The following TRIM2 variants were observed in gnomAD, a reference collection of about 807,000 sequenced individuals.
The protein encoded by TRIM2 is tripartite motif containing 2, also known as tripartite motif-containing protein 2.
TRIM2 carries 20 observed loss-of-function variants against 75.2 expected under a neutral mutation model. The ratio of observed to expected loss-of-function variants is 0.27; its 90% CI spans 0.19 to 0.39. The LOEUF is 0.39. TRIM2 is among the 10% of genes least tolerant of loss of function. TRIM2 has a pLI of 1.00. For missense variants in TRIM2, 660 were observed against 990.8 expected (o/e 0.67, Z 4.48); for synonymous variants, 373 against 388.3 (o/e 0.96, Z 0.46).
In TRIM2 at chr4:153,295,910, A is replaced by G. The variant is rs1312478366; in HGVS notation, c.1384A>G (p.Lys462Glu). 1 of 1,611,434 alleles carries G rather than the reference A, an allele frequency of 6.2e-7. No homozygotes were observed. Among genetic ancestry groups the G allele is most frequent in the South Asian group, 1.1e-5 (1 of 90,620 alleles). ...TGTGTCTCCCACCACAGAAGGCGTG[A>G]AGAGGCGCGTTAAGTCCCCGGGGAG... ...ADVSPTTEGVKRRVKSPGSGH... is the reference protein window; with the variant it reads ...ADVSPTTEGVERRVKSPGSGH... Residue 462 changes from lysine (K) to glutamate (E), a missense_variant, in exon 6 of 12, where the codon AAG becomes GAG. Lys to Glu is a moderately conservative substitution (Grantham distance 56, BLOSUM62 1). This residue lies in a region of TRIM2 where 620 missense variants were observed against 891.0 expected (regional missense o/e 0.70). Coordinates refer to ENST00000338700, the MANE Select transcript of TRIM2 (RefSeq NM_015271.5). The surrounding 1 kb of genome is among the most constrained non-coding windows in gnomAD (Gnocchi z 7.2).
intron 2 of TRIM2, among the ~76,000 whole-genome samples, chr4:153,273,918 TG>T (rs1436560884): frequency 6.6e-6 from 1 of 152,106 alleles, no homozygotes; most frequent in Non-Finnish European, 1.5e-5. Flanking sequence ...TGTGCAAAGG[TG>T]CTATAGTGGG....
intron 3 of TRIM2, among the ~76,000 whole-genome samples, chr4:153,282,655 C>T (rs751921073): frequency 1.3e-4 from 20 of 152,298 alleles, no homozygotes; most frequent in Middle Eastern, 6.8e-3. Context: ...CTCTGTCACC[C>T]AGGCTAGTCT....
intron 1 of TRIM2, among the ~76,000 whole-genome samples, chr4:153,181,730 A>T (rs1417595409): frequency 6.6e-6 from 1 of 152,080 alleles, no homozygotes; most frequent in Non-Finnish European, 1.5e-5. Context: ...GCAGCCTTGT[A>T]CACCTGGGCT....
chr4:153,243,967 C>T (rs371403525), intron 1 of TRIM2, among the ~76,000 whole-genome samples: 3 of 151,348 alleles, frequency 2.0e-5, no homozygotes, highest in Non-Finnish European at 4.4e-5. Flanking sequence ...CACAGGCATG[C>T]GCCATCACTT....
At chr4:153,262,267 A>T (rs990548090) in intron 1 of TRIM2, among the ~76,000 whole-genome samples, 5 of 152,238 alleles carry the variant, frequency 3.3e-5, no homozygotes, top group African/African-American at 1.2e-4. Flanking sequence ...ACTCCCCCAA[A>T]ATTCCAAGGC....
Position 153,339,163 on chromosome 4 carries a change from C to T in TRIM2, c.*4197C>T, listed in dbSNP as rs1402840366. On this transcript the variant is annotated 3_prime_UTR_variant, in exon 12 of 12. Coordinates refer to ENST00000338700, the MANE Select transcript of TRIM2 (RefSeq NM_015271.5). ...CTGTGCATCAAAGTGTTTGTATGTT[C>T]GTAGCTACATACGTACCACAGTATT... 1.1e-5 allele frequency: 11 copies of T among 985,626 alleles called. No individual in the cohort carries two copies. The highest frequency in any genetic ancestry group is 1.3e-5 in the Non-Finnish European group (11 of 829,896). The allele number at this position is 985,626 out of a possible 1,614,324, so 61.1% of individuals were successfully genotyped here. A position where few individuals can be genotyped will look rare whatever the true frequency, so the allele number is the denominator to read the frequency against.
At chr4:153,279,311 A>G (rs1176274584) in intron 3 of TRIM2, among the ~76,000 whole-genome samples, 2 of 152,196 alleles carry the variant, frequency 1.3e-5, no homozygotes. Flanking sequence ...TCAGCAACTA[A>G]AATTAATCTT....
At chr4:153,334,550 A>G (rs1046857532) in intron 11 of TRIM2, among the ~76,000 whole-genome samples, 2 of 152,002 alleles carry the variant, frequency 1.3e-5, no homozygotes, top group Non-Finnish European at 2.9e-5. Flanking sequence ...TTAAATATAA[A>G]AGCATATATA....
chr4:153,223,652 TC>T (rs1170952913), intron 1 of TRIM2, among the ~76,000 whole-genome samples: 2 of 152,268 alleles, frequency 1.3e-5, no homozygotes, highest in Non-Finnish European at 2.9e-5. Flanking sequence ...GGAGGACGGT[TC>T]GTCTCACTAA....
At chr4:153,269,926 A>T (rs948745167) in intron 1 of TRIM2, among the ~76,000 whole-genome samples, 11 of 151,712 alleles carry the variant, frequency 7.3e-5, no homozygotes, top group African/African-American at 2.2e-4. Context: ...TTTATTTTTT[A>T]TTTTATTTTT....
At chr4:153,182,336 T>C (rs1349930572) in intron 1 of TRIM2, among the ~76,000 whole-genome samples, 1 of 152,186 alleles carries the variant, frequency 6.6e-6, no homozygotes, top group East Asian at 1.9e-4. Context: ...CTTGATGTAA[T>C]TGCCCACAAA....
chr4:153,171,545 A>G (rs1730849587), intron 1 of TRIM2, among the ~76,000 whole-genome samples: 1 of 152,182 alleles, frequency 6.6e-6, no homozygotes, highest in Non-Finnish European at 1.5e-5. Flanking sequence ...GAGATCACAT[A>G]ATTTCACTCT....
At position 153,206,503 on chromosome 4, in the gene TRIM2, G is replaced by A. The variant is rs535677001; in HGVS notation, c.30+1943G>A. ...AGCCAGGTGAAGAGATGGCTAGGGA[G>A]GGTCTTGGAGCTTTCATGTCCTCTC... is the stretch of plus-strand genomic sequence containing the variant. On this transcript the variant is annotated intron_variant, in intron 1 of 11. Coordinates refer to ENST00000338700, the MANE Select transcript of TRIM2 (RefSeq NM_015271.5). Among the ~76,000 whole-genome samples, 25 of 152,252 alleles carry A rather than the reference G, an allele frequency of 1.6e-4. No individual in the cohort carries two copies. The South Asian group carries it at 5.2e-3, about 32-fold the overall frequency.
intron 1 of TRIM2, among the ~76,000 whole-genome samples, chr4:153,230,966 C>G (rs1205637507): frequency 6.6e-6 from 1 of 152,202 alleles, no homozygotes; most frequent in Non-Finnish European, 1.5e-5. Context: ...TTGACAATGT[C>G]CCTGAGAGGT....
At chr4:153,162,015 T>C (rs753089213) in intron 1 of TRIM2, among the ~76,000 whole-genome samples, 1 of 152,208 alleles carries the variant, frequency 6.6e-6, no homozygotes, top group African/African-American at 2.4e-5. Context: ...TGGGACCAAT[T>C]TGGCCAGCTT....
chr4:153,195,074 G>A (rs1001775441), intron 1 of TRIM2, among the ~76,000 whole-genome samples: 1 of 152,194 alleles, frequency 6.6e-6, no homozygotes, highest in African/African-American at 2.4e-5. Context: ...AGGTAAGGAT[G>A]TCAAGATAAA....
At chr4:153,210,935 C>T (rs574732752) in intron 1 of TRIM2, among the ~76,000 whole-genome samples, 2 of 152,338 alleles carry the variant, frequency 1.3e-5, no homozygotes, top group South Asian at 2.1e-4. Context: ...CCACACTCAA[C>T]ACATGCAGTA....
At chr4:153,268,503 A>G (rs764157060) in intron 1 of TRIM2, among the ~76,000 whole-genome samples, 4 of 152,126 alleles carry the variant, frequency 2.6e-5, no homozygotes, top group Non-Finnish European at 2.9e-5. Context: ...CACTGCCATA[A>G]TTTTCTCAGT....
At chr4:153,185,415 CT>C (rs1732497269) in intron 1 of TRIM2, among the ~76,000 whole-genome samples, 2 of 151,926 alleles carry the variant, frequency 1.3e-5, no homozygotes, top group African/African-American at 4.8e-5. Context: ...CAGTTTCAAC[CT>C]TACTTCAATA....
Sources: allele counts gnomAD v4.1 joint callset (sites outside exome capture counted in the v4.1 genomes callset), GRCh38; gene constraint gnomAD v4.1.1; regional missense constraint gnomAD v4.1.1; non-coding constraint Gnocchi (gnomAD v3.1); transcripts MANE v1.5; gene names NCBI Gene and HGNC (gene_info 2026-07-23, HGNC 2026-07-21).